Variants in COL28A1 observed in about 807,000 individuals in gnomAD.
The protein encoded by COL28A1 is collagen type XXVIII alpha 1 chain.
A neutral mutation model predicts 150.2 loss-of-function variants in COL28A1; 161 were observed. The ratio of observed to expected loss-of-function variants is 1.07; its 90% CI spans 0.94 to 1.22. The LOEUF (loss-of-function observed/expected upper bound fraction) is 1.22, where lower values mean the gene tolerates loss of function less well. Among genes scored for constraint, COL28A1 ranks in the 50% most tolerant of loss-of-function variants. The pLI is 0.00. For synonymous variants in COL28A1, 552 were observed against 469.7 expected (o/e 1.18, Z -2.26); for missense variants, 1,617 against 1,388.3 (o/e 1.16, Z -2.62).
intron 8 of COL28A1, among the ~76,000 whole-genome samples, chr7:7,512,003 GT>G (rs1195334170): frequency 5.3e-5 from 8 of 152,146 alleles, no homozygotes; most frequent in African/African-American, 1.9e-4. Context: ...TAAAGAGAAT[GT>G]GGTATACAAT....
Position 7,437,472 on chromosome 7 carries a change from A to G in COL28A1, c.1723-10T>C, listed in dbSNP as rs1213563092. The G allele has an allele frequency of 6.2e-7, 1 of 1,611,848 alleles. No homozygotes were observed. Among genetic ancestry groups the G allele is most frequent in the Non-Finnish European group, 8.5e-7 (1 of 1,179,356 alleles). On this transcript the variant is annotated splice_polypyrimidine_tract_variant and intron_variant, in intron 21 of 34. Transcript: ENST00000399429. ...TAATGCCCGGTTCACCCTTAAAAAG[A>G]GCAAAATGCTCACTACATTTCAAGC...
chr7:7,508,472 C>T (rs956752741), intron 9 of COL28A1, among the ~76,000 whole-genome samples: 3 of 152,152 alleles, frequency 2.0e-5, no homozygotes, highest in Admixed American at 2.0e-4. Flanking sequence ...CACCGGCTGT[C>T]CTTTGTCTCT....
intron 27 of COL28A1, among the ~76,000 whole-genome samples, chr7:7,390,965 G>A (rs1782506228): frequency 6.6e-6 from 1 of 152,070 alleles, no homozygotes; most frequent in South Asian, 2.1e-4. Context: ...GTCTTTTTGT[G>A]TCTTTATCTC....
At chr7:7,495,422 G>A (rs1231335372) in intron 11 of COL28A1, among the ~76,000 whole-genome samples, 2 of 152,176 alleles carry the variant, frequency 1.3e-5, no homozygotes, top group African/African-American at 2.4e-5. Context: ...TCAGGTGGGA[G>A]TGGAAGAATA....
chr7:7,437,073 C>G (rs1785398099), intron 22 of COL28A1, among the ~76,000 whole-genome samples: 1 of 152,164 alleles, frequency 6.6e-6, no homozygotes. Flanking sequence ...GTGGATATCT[C>G]TTCTGCTAAA....
chr7:7,514,816 G>C (rs1781331952), intron 8 of COL28A1, among the ~76,000 whole-genome samples: 1 of 152,076 alleles, frequency 6.6e-6, no homozygotes, highest in Admixed American at 6.6e-5. Context: ...AGATGCCCCG[G>C]GTAGCACAAC....
At chr7:7,394,474 CT>C (rs1265241553) in intron 27 of COL28A1, among the ~76,000 whole-genome samples, 1 of 152,260 alleles carries the variant, frequency 6.6e-6, no homozygotes, top group East Asian at 1.9e-4. Context: ...GATATTCTTA[CT>C]TTTCGTAAGG....
intron 13 of COL28A1, among the ~76,000 whole-genome samples, chr7:7,481,022 T>G (rs1583472592): frequency 6.6e-6 from 1 of 152,372 alleles, no homozygotes; most frequent in Middle Eastern, 3.4e-3. Flanking sequence ...TCTGCCATCA[T>G]TATCCAAATT....
the COL28A1 span, among the ~76,000 whole-genome samples, chr7:7,345,959 C>T: frequency 6.6e-5 from 10 of 151,998 alleles, no homozygotes; most frequent in Admixed American, 1.3e-4. Context: ...TTTCATCATC[C>T]ACAAGCTCCT....
upstream of COL28A1, among the ~76,000 whole-genome samples, chr7:7,539,015 T>C (rs1782739389): frequency 6.6e-6 from 1 of 152,088 alleles, no homozygotes; most frequent in Non-Finnish European, 1.5e-5. Flanking sequence ...AAGCTTGATA[T>C]AGTAGAATTT....
intron 27 of COL28A1, among the ~76,000 whole-genome samples, chr7:7,395,393 T>C (rs1782779688): frequency 6.6e-6 from 1 of 152,242 alleles, no homozygotes; most frequent in South Asian, 2.1e-4. Flanking sequence ...TCTTTCATCT[T>C]TGTACTCTTT....
intron 12 of COL28A1, among the ~76,000 whole-genome samples, chr7:7,489,838 C>T (rs933421401): frequency 1.3e-5 from 2 of 152,106 alleles, no homozygotes; most frequent in African/African-American, 4.8e-5. Flanking sequence ...CCACTCTATC[C>T]TATTCATCTC....
At chr7:7,503,696 T>G (rs1338206936) in intron 11 of COL28A1, among the ~76,000 whole-genome samples, 2 of 152,220 alleles carry the variant, frequency 1.3e-5, no homozygotes, top group East Asian at 3.9e-4. Context: ...AAAAAATAGC[T>G]AATGACCAAT....
chr7:7,542,389 T>C, the COL28A1 span, among the ~76,000 whole-genome samples: 2 of 152,146 alleles, frequency 1.3e-5, no homozygotes, highest in Non-Finnish European at 2.9e-5. Flanking sequence ...ATGGGTAGAT[T>C]ATGCAATAGA....
intron 2 of COL28A1, 70 bp from the exon 3 acceptor site, chr7:7,531,974 C>A (rs1175929538): frequency 1.2e-5 from 11 of 899,448 alleles, no homozygotes; most frequent in Admixed American, 2.1e-5. Context: ...TACGGAAAGC[C>A]CTGAAGTGGT....
At chr7:7,496,100 T>G (rs1780194003) in intron 11 of COL28A1, among the ~76,000 whole-genome samples, 1 of 152,240 alleles carries the variant, frequency 6.6e-6, no homozygotes, top group Admixed American at 6.5e-5. Context: ...TTAAGCAGCA[T>G]GGCTTCAAGA....
the COL28A1 span, among the ~76,000 whole-genome samples, chr7:7,341,767 T>C: frequency 6.6e-6 from 1 of 152,150 alleles, no homozygotes; most frequent in Non-Finnish European, 1.5e-5. Context: ...TTAGTGAACT[T>C]TTTGTTGATT....
In COL28A1 at chr7:7,421,171, T is replaced by C. The variant is rs528694486; in HGVS notation, c.1999-1218A>G. On this transcript the variant is annotated intron_variant, in intron 25 of 34. Transcript: ENST00000399429. ...TAAACTATGAATAAATGCCATAACATGAATGAACCTCAAAAACATTATTAC... is the reference window on the plus strand; with the variant it reads ...TAAACTATGAATAAATGCCATAACACGAATGAACCTCAAAAACATTATTAC... Among the ~76,000 whole-genome samples the C allele has an allele frequency of 5.3e-5, 8 of 152,290 alleles. No homozygotes were observed. In the East Asian group the frequency reaches 1.2e-3, roughly 22 times the overall value.
intron 11 of COL28A1, among the ~76,000 whole-genome samples, chr7:7,497,082 A>AAGG (rs1780252328): frequency 4.1e-5 from 5 of 120,682 alleles, no homozygotes; most frequent in African/African-American, 1.5e-4. Flanking sequence ...AGGAAGGAAG[A>AAGG]AAGGAAGGAA....
Sources: allele counts gnomAD v4.1 joint callset (sites outside exome capture counted in the v4.1 genomes callset), GRCh38; gene constraint gnomAD v4.1.1; transcripts MANE v1.5; gene names NCBI Gene and HGNC (gene_info 2026-07-23, HGNC 2026-07-21).